The following TP63 variants were observed in gnomAD, a reference collection of about 807,000 sequenced individuals.
TP63 encodes tumor protein 63.
In TP63, 17 loss-of-function variants were observed where a neutral mutation model predicts 82.8. The observed-to-expected ratio is 0.21, with a 90% CI of 0.14 to 0.31. The LOEUF is 0.31. TP63 is among the 10% of genes least tolerant of loss of function. The pLI, the probability that TP63 is intolerant of heterozygous loss-of-function variation, is 1.00. For missense variants in TP63, 648 were observed against 895.3 expected (o/e 0.72, Z 3.52); for synonymous variants, 330 against 321.7 (o/e 1.03, Z -0.28).
intron 10 of TP63, 58 bp from the exon 11 acceptor site, chr3:189,886,336 A>G (rs929129938): frequency 1.9e-6 from 3 of 1,578,380 alleles, no homozygotes; most frequent in Admixed American, 1.7e-5. Context: ...TTGAAAATCA[A>G]TAGTCCCCAC....
intron 4 of TP63, among the ~76,000 whole-genome samples, chr3:189,809,094 C>T (rs976882311): frequency 6.6e-6 from 1 of 151,648 alleles, no homozygotes; most frequent in Non-Finnish European, 1.5e-5. Context: ...TATAATTTAT[C>T]AGTGAATTAT....
intron 4 of TP63, among the ~76,000 whole-genome samples, chr3:189,810,584 G>A (rs896257315): frequency 2.0e-5 from 3 of 152,008 alleles, no homozygotes; most frequent in Admixed American, 6.5e-5. Context: ...AAAGCCGGGC[G>A]TGGTGGCTCA....
chr3:189,817,582 T>C (rs1168472093), intron 4 of TP63, among the ~76,000 whole-genome samples: 5 of 152,108 alleles, frequency 3.3e-5, no homozygotes, highest in Non-Finnish European at 7.4e-5. Context: ...ATCCTGGATT[T>C]TTGTTTTTAG....
chr3:189,737,303 C>T (rs1720664877), intron 1 of TP63, among the ~76,000 whole-genome samples: 1 of 152,048 alleles, frequency 6.6e-6, no homozygotes, highest in African/African-American at 2.4e-5. Context: ...TTTCTGTTTC[C>T]TGGTTCTATT....
At chr3:189,624,273 A>C in the TP63 span, among the ~76,000 whole-genome samples, 1 of 152,050 alleles carries the variant, frequency 6.6e-6, no homozygotes, top group African/African-American at 2.4e-5. Flanking sequence ...ATCTTGCAAA[A>C]CTGAAACTCT....
chr3:189,779,111 C>A (rs1576936586), intron 3 of TP63, among the ~76,000 whole-genome samples: 1 of 152,254 alleles, frequency 6.6e-6, no homozygotes, highest in East Asian at 1.9e-4. Context: ...TATCAGGAGG[C>A]TACAGTCTAT....
chr3:189,744,766 CTGCCATTCCAA>C (rs1721244529), intron 3 of TP63, among the ~76,000 whole-genome samples: 1 of 152,230 alleles, frequency 6.6e-6, no homozygotes, highest in Admixed American at 6.5e-5. Context: ...TACCTTTCCA[CTGCCATTCCAA>C]CCACCTGAGC....
intron 3 of TP63, among the ~76,000 whole-genome samples, chr3:189,741,460 C>A (rs1720981924): frequency 6.6e-6 from 1 of 152,026 alleles, no homozygotes; most frequent in African/African-American, 2.4e-5. Context: ...GTGTGAGAGT[C>A]TTTTTTCCCA....
chr3:189,786,585 T>G (rs1250185031), intron 3 of TP63, among the ~76,000 whole-genome samples: 2 of 152,004 alleles, frequency 1.3e-5, no homozygotes, highest in African/African-American at 4.8e-5. Context: ...TAGCATTTTG[T>G]TATTTCTGGA....
At position 189,850,723 on chromosome 3, in the gene TP63, A is replaced by G. The variant is rs1183257101; in HGVS notation, c.580-13509A>G. 2.0e-5 allele frequency among the ~76,000 whole-genome samples: 3 copies of G among 152,134 alleles called. 1 individual carries two copies. Among genetic ancestry groups the G allele is most frequent in the South Asian group, 4.1e-4 (2 of 4,832 alleles). Reference sequence around the variant, plus strand: ...GCACATGTACCCTAAAACTTAAAGTATAATAATAATAAAAATAAAAAAAAT... The same window carrying G: ...GCACATGTACCCTAAAACTTAAAGTGTAATAATAATAAAAATAAAAAAAAT... On this transcript the variant is annotated intron_variant, in intron 4 of 13. Coordinates refer to ENST00000264731, the MANE Select transcript of TP63 (RefSeq NM_003722.5).
intron 3 of TP63, among the ~76,000 whole-genome samples, chr3:189,749,013 A>C (rs939780547): frequency 6.6e-6 from 1 of 152,138 alleles, no homozygotes; most frequent in Non-Finnish European, 1.5e-5. Context: ...CCCAACTCTC[A>C]TCACATACAA....
intron 13 of TP63, among the ~76,000 whole-genome samples, chr3:189,893,405 T>C (rs9681004): frequency 0.35 from 53,420 of 152,072 alleles, 9,526 homozygotes; most frequent in Middle Eastern, 0.44. Flanking sequence ...CCTACCATTC[T>C]GCCCTGTGAA....
intron 1 of TP63, among the ~76,000 whole-genome samples, chr3:189,638,060 A>G (rs1461680843): frequency 6.6e-6 from 1 of 152,132 alleles, no homozygotes; most frequent in East Asian, 1.9e-4. Flanking sequence ...GGTCCTGCCA[A>G]CACCTTGATC....
intron 1 of TP63, among the ~76,000 whole-genome samples, chr3:189,697,321 T>C (rs1249604256): frequency 6.6e-6 from 1 of 151,738 alleles, no homozygotes; most frequent in African/African-American, 2.4e-5. Context: ...ATTGAATTGC[T>C]TTTTCTTCTT....
chr3:189,874,075 G>GATT (rs766720356), intron 10 of TP63, among the ~76,000 whole-genome samples: 9 of 151,882 alleles, frequency 5.9e-5, no homozygotes, highest in South Asian at 2.1e-4. Context: ...GAGGGCTTAT[G>GATT]ATTATTATTA....
intron 4 of TP63, among the ~76,000 whole-genome samples, chr3:189,819,927 T>C (rs955932041): frequency 2.0e-5 from 3 of 151,948 alleles, no homozygotes; most frequent in Non-Finnish European, 2.9e-5. Flanking sequence ...ATTTTTGTAT[T>C]TTTAGTAGAG....
At chr3:189,696,213 C>T (rs994594539) in intron 1 of TP63, among the ~76,000 whole-genome samples, 72 of 152,232 alleles carry the variant, frequency 4.7e-4, no homozygotes, top group South Asian at 1.2e-3. Flanking sequence ...TTCCCTGCCA[C>T]CAACTCCAAG....
intron 10 of TP63, 69 bp from the exon 11 acceptor site, chr3:189,886,325 G>A: frequency 6.5e-7 from 1 of 1,547,882 alleles, no homozygotes; most frequent in South Asian, 1.1e-5. Flanking sequence ...ACAGAGACCT[G>A]TTGAAAATCA....
intron 4 of TP63, among the ~76,000 whole-genome samples, chr3:189,838,885 T>TG (rs1713535539): frequency 6.6e-6 from 1 of 152,028 alleles, no homozygotes; most frequent in Non-Finnish European, 1.5e-5. Context: ...AATTTGCCTA[T>TG]AGGATAGTAG....
Sources: allele counts gnomAD v4.1 joint callset (sites outside exome capture counted in the v4.1 genomes callset), GRCh38; gene constraint gnomAD v4.1.1; transcripts MANE v1.5; gene names NCBI Gene and HGNC (gene_info 2026-07-23, HGNC 2026-07-21).